The following TTN variants were observed in gnomAD, a reference collection of about 807,000 sequenced individuals.
TTN encodes titin, also known as connectin.
TTN carries 1,525 observed loss-of-function variants against 3,223.0 expected under a neutral mutation model. That is an observed-to-expected ratio of 0.47 (90% CI 0.45 to 0.49). The LOEUF (loss-of-function observed/expected upper bound fraction) is 0.49. TTN is among the 20% of genes least tolerant of loss of function. The pLI is 0.00. For synonymous variants in TTN, 14,094 were observed against 15,161.0 expected (o/e 0.93, Z 5.17); for missense variants, 40,786 against 43,424.0 (o/e 0.94, Z 5.40).
At chr2:178,611,341 T>G (rs771489381) in intron 269 of TTN, 31 bp downstream of exon 269, 7 of 1,610,756 alleles carry the variant, frequency 4.3e-6, no homozygotes, top group Non-Finnish European at 8.5e-7. Flanking sequence ...AAAGGGTATT[T>G]TATTAACTAT....
chr2:178,640,679 A>G (rs2061132753), intron 220 of TTN, 49 bp from the exon 221 acceptor site: 2 of 1,412,136 alleles, frequency 1.4e-6, no homozygotes, highest in Non-Finnish European at 9.6e-7. Context: ...ATATTTAGGA[A>G]GCACCTCATC....
chr2:178,796,734 TAA>T (rs1223963285), intron 6 of TTN, among the ~76,000 whole-genome samples: 1 of 152,166 alleles, frequency 6.6e-6, no homozygotes, highest in Non-Finnish European at 1.5e-5. Context: ...CAAAAAGAGT[TAA>T]AGACATGATT....
Position 178,647,062 on chromosome 2 carries a change from ACC to A in TTN, c.40222_40222+1del. The A allele has an allele frequency of 3.5e-6, 4 of 1,140,192 alleles. No individual in the cohort carries two copies. Among genetic ancestry groups the A allele is most frequent in the Non-Finnish European group, 4.7e-6 (4 of 858,288 alleles). 70.6% of individuals were successfully genotyped at this position (1,140,192 alleles called of 1,614,324 possible). A position where few individuals can be genotyped will look rare whatever the true frequency, so the allele number is the denominator to read the frequency against. ...AATGTATATATATATATATATATAT[ACC>A]TTCAACAGGGGGAGTCTCTTTTCTA... On this transcript the variant is annotated splice_donor_variant and coding_sequence_variant, in exon 215 of 363. Coordinates refer to ENST00000589042, the MANE Select transcript of TTN (RefSeq NM_001267550.2). LOFTEE classifies it high-confidence loss of function.
rs748995016 is a variant in TTN, at chr2:178,786,128, T to C, written c.2090A>G (p.Lys697Arg). 8 of 1,613,870 alleles carry C rather than the reference T, an allele frequency of 5.0e-6. No individual in the cohort carries two copies. The highest frequency in any genetic ancestry group is 6.8e-6 in the Non-Finnish European group (8 of 1,179,974). Residue 697 changes from lysine to arginine, a missense_variant, in exon 14 of 363, where the codon AAA becomes AGA. Lys to Arg is a conservative substitution (Grantham distance 26, BLOSUM62 2). Coordinates refer to ENST00000589042, the MANE Select transcript of TTN (RefSeq NM_001267550.2). Reference protein sequence around the residue: ...QVTHGKVDVGKKAEAVATVVA... With the variant: ...QVTHGKVDVGRKAEAVATVVA... ...AACTGTTGCTACAGCTTCAGCCTTT[T>C]TTCCAACGTCCACCTGGAGACAAGG...
chr2:178,775,386 T>C lies in TTN; in HGVS notation c.6478A>G (p.Thr2160Ala), dbSNP rs397517693. 4.0e-5 allele frequency: 65 copies of C among 1,613,928 alleles called. No individual in the cohort carries two copies. The highest frequency in any genetic ancestry group is 8.3e-5 in the Admixed American group (5 of 59,990). ...ACAAGTAAGAATGCGTGACTGGAGG[T>C]TTCTCCAGCTATGTTGATGGCTTTT... Reference protein sequence around the residue: ...MVKAINIAGETSSHAFLLVQA... With the variant: ...MVKAINIAGEASSHAFLLVQA... Residue 2160 changes from threonine (T) to alanine (A), a missense_variant, in exon 28 of 363, where the codon ACC becomes GCC. By Grantham distance (58) the Thr-to-Ala change is moderately conservative. Transcript: ENST00000589042.
rs1192451781 is a variant in TTN at position 178,548,841 on chromosome 2, C to T, written c.92785G>A (p.Ala30929Thr). Residue 30929 changes from alanine (A) to threonine (T), a missense_variant, in exon 339 of 363, where the codon GCA becomes ACA. Physicochemically the swap from Ala to Thr is moderately conservative, Grantham distance 58. Transcript: ENST00000589042. The surrounding 1 kb of genome is among the most constrained non-coding windows in gnomAD (Gnocchi z 4.3). ...ACAACATGAGTCTGTTTGAAGTTTG[C>T]ATCTATGTCTAACTCAGGAGCTGTT... Reference protein sequence around the residue: ...RLTAPELDIDANFKQTHVVRA... With the variant: ...RLTAPELDIDTNFKQTHVVRA... The T allele has an allele frequency of 2.5e-6, 4 of 1,613,194 alleles. No individual in the cohort carries two copies. In the Admixed American group the frequency reaches 5.0e-5, roughly 20 times the overall value.
At chr2:178,644,690 G>T in intron 217 of TTN, 74 bp from the exon 218 acceptor site, 1 of 1,171,660 alleles carries the variant, frequency 8.5e-7, no homozygotes, top group Non-Finnish European at 1.2e-6. Flanking sequence ...TCTACTCCAA[G>T]AATCAAAACC....
At chr2:178,642,009 AT>A (rs2061302407) in intron 219 of TTN, among the ~76,000 whole-genome samples, 1 of 151,740 alleles carries the variant, frequency 6.6e-6, no homozygotes. Context: ...GTCTATTAAC[AT>A]TTTAAATTTC....
rs752485826 is a variant in TTN at position 178,715,014 on chromosome 2, G to T, written c.26172C>A (p.Asp8724Glu). 6.2e-7 allele frequency: 1 copy of T among 1,612,374 alleles called. No homozygotes were observed. The highest frequency in any genetic ancestry group is 8.5e-7 in the Non-Finnish European group (1 of 1,178,844). The change falls in exon 90 of 363, where the codon GAC becomes GAA. Residue 8724 changes from aspartate to glutamate, a missense_variant. Asp to Glu is a conservative substitution (Grantham distance 45). Coordinates refer to ENST00000589042, the MANE Select transcript of TTN (RefSeq NM_001267550.2). ...TGAGAGCGATGGAACCAACGCAAGT[G>T]TCGCTTCCCACATCATTTGTGGCTT... Reference protein sequence around the residue: ...QCKATNDVGSDTCVGSIALKA... With the variant: ...QCKATNDVGSETCVGSIALKA...
In TTN at chr2:178,748,892, C is replaced by T. The variant is rs958202112; in HGVS notation, c.11311+4232G>A. 4 of 1,612,222 alleles carry T rather than the reference C, an allele frequency of 2.5e-6. No individual in the cohort carries two copies. In the African/African-American group the frequency reaches 5.3e-5, roughly 22 times the overall value. On this transcript the variant is annotated intron_variant, in intron 47 of 362. Transcript: ENST00000589042. ...CATATTTGCATTTAGATTGCTTGAT[C>T]TTGATTCTCTTTGCTTTAATGAAAA... is the stretch of plus-strand genomic sequence containing the variant.
At position 178,573,654 on chromosome 2, in the gene TTN, C is replaced by G; in HGVS notation, c.72478G>C (p.Val24160Leu). ...DGGAKIDHYI[V>L]QKRETSRLAW... ...AATCTGCTGGTTTCACGTTTCTGTACTATGTAATGATCAATTTTGGCACCT... is the reference window on the plus strand; with the variant it reads ...AATCTGCTGGTTTCACGTTTCTGTAGTATGTAATGATCAATTTTGGCACCT... The change falls in exon 326 of 363, where the codon GTA (valine) becomes CTA (leucine). Residue 24160 changes from valine (V) to leucine (L), a missense_variant. Val to Leu is a conservative substitution (Grantham distance 32, BLOSUM62 1). Coordinates refer to ENST00000589042, the MANE Select transcript of TTN (RefSeq NM_001267550.2). 6.6e-7 allele frequency: 1 copy of G among 1,514,810 alleles called. No homozygotes were observed. Among genetic ancestry groups the G allele is most frequent in the Non-Finnish European group, 8.8e-7 (1 of 1,133,760 alleles). 93.8% of individuals were successfully genotyped at this position (1,514,810 alleles called of 1,614,324 possible). A position where few individuals can be genotyped will look rare whatever the true frequency, so the allele number is the denominator to read the frequency against.
chr2:178,561,451 A>G lies in TTN; in HGVS notation c.84681T>C (p.Tyr28227=), dbSNP rs373268234. The G allele has an allele frequency of 3.1e-6, 5 of 1,613,824 alleles. No individual in the cohort carries two copies. Among genetic ancestry groups the G allele is most frequent in the Non-Finnish European group, 4.2e-6 (5 of 1,179,792 alleles). Residue 28227 remains tyrosine (Y), a synonymous_variant, in exon 326 of 363, where the codon TAT becomes TAC. Transcript: ENST00000589042. ...SGLDEGLMYE[Y]RVYAENIAGI... ...CAGCAATATTTTCAGCATATACACG[A>G]TACTCATACATCAGTCCTTCATCAA...
At position 178,614,105 on chromosome 2, in the gene TTN, T is replaced by C; in HGVS notation, c.49292A>G (p.Tyr16431Cys). The C allele has an allele frequency of 6.2e-7, 1 of 1,612,512 alleles. No individual in the cohort carries two copies. Among genetic ancestry groups the C allele is most frequent in the Non-Finnish European group, 8.5e-7 (1 of 1,179,224 alleles). ...GGCCTGAACTGGTTCACCAACACCA[T>C]ACATGTTTTCTGCAGCAACTCTGAA... ...YIFRVAAENM[Y>C]GVGEPVQASP... The change falls in exon 262 of 363, where the codon TAT (tyrosine) becomes TGT (cysteine). Residue 16431 changes from tyrosine to cysteine, a missense_variant. Transcript: ENST00000589042.
chr2:178,737,153 G>A (rs1175876105), intron 49 of TTN, among the ~76,000 whole-genome samples: 1 of 151,998 alleles, frequency 6.6e-6, no homozygotes, highest in Non-Finnish European at 1.5e-5. Flanking sequence ...AGGAAAGAAG[G>A]TAGGAAGAAA....
intron 312 of TTN, 60 bp downstream of exon 312, chr2:178,583,547 G>C (rs780628757): frequency 4.2e-6 from 6 of 1,422,888 alleles, no homozygotes; most frequent in Non-Finnish European, 5.5e-6. Flanking sequence ...TTTTTATTAG[G>C]AAAAATGACC....
In TTN at chr2:178,679,951, G is replaced by A; in HGVS notation, c.33523C>T (p.His11175Tyr). 1 of 1,613,058 alleles carries A rather than the reference G, an allele frequency of 6.2e-7. No homozygotes were observed. The change falls in exon 140 of 363, where the codon CAT becomes TAT. Residue 11175 changes from histidine to tyrosine, a missense_variant. Coordinates refer to ENST00000589042, the MANE Select transcript of TTN (RefSeq NM_001267550.2). ...YLVEEEEEYI[H>Y]EEEEFITEEE... Reference sequence around the variant, plus strand: ...TCAGTTATGAACTCCTCTTCTTCATGAATGTACTCTTCTTCTTCTTCTACA... The same window carrying A: ...TCAGTTATGAACTCCTCTTCTTCATAAATGTACTCTTCTTCTTCTTCTACA...
Position 178,717,515 on chromosome 2 carries a change from T to A in TTN, c.25351+8A>T, listed in dbSNP as rs766650232. The A allele has an allele frequency of 6.3e-7, 1 of 1,591,638 alleles. No homozygotes were observed. The highest frequency in any genetic ancestry group is 8.6e-7 in the Non-Finnish European group (1 of 1,168,566). On this transcript the variant is annotated splice_region_variant and intron_variant, in intron 87 of 362. Coordinates refer to ENST00000589042, the MANE Select transcript of TTN (RefSeq NM_001267550.2). ...TTTACAATGAAGAGGGTACTGTGAGTTACTCACCTGAGAGAATGAGCTTGG... is the reference window on the plus strand; with the variant it reads ...TTTACAATGAAGAGGGTACTGTGAGATACTCACCTGAGAGAATGAGCTTGG...
At chr2:178,700,697 A>T (rs1026264868) in intron 111 of TTN, among the ~76,000 whole-genome samples, 1 of 152,186 alleles carries the variant, frequency 6.6e-6, no homozygotes, top group African/African-American at 2.4e-5. Context: ...AAAATAGTAA[A>T]TTTTTAAGAG....
chr2:178,611,239 T>C lies in TTN; in HGVS notation c.50890A>G (p.Ile16964Val), dbSNP rs1487972631. Residue 16964 changes from isoleucine (I) to valine (V), a missense_variant, in exon 270 of 363, where the codon ATT (isoleucine) becomes GTT (valine). Transcript: ENST00000589042. Reference sequence around the variant, plus strand: ...AACTTTTCACCTTCAATAACAATAATGTCATGAGTCTCCAGGTCAATTGTT... The same window carrying C: ...AACTTTTCACCTTCAATAACAATAACGTCATGAGTCTCCAGGTCAATTGTT... Reference protein sequence around the residue: ...KPTIDLETHDIIVIEGEKLSI... With the variant: ...KPTIDLETHDVIVIEGEKLSI... 6.2e-7 allele frequency: 1 copy of C among 1,612,496 alleles called. No individual in the cohort carries two copies. Among genetic ancestry groups the C allele is most frequent in the Non-Finnish European group, 8.5e-7 (1 of 1,179,182 alleles).
Sources: gnomAD v4.1 joint callset for allele counts (sites outside exome capture counted in the v4.1 genomes callset) on GRCh38, gnomAD v4.1.1 for gene constraint, Gnocchi (gnomAD v3.1) non-coding constraint, MANE v1.5 for transcripts, NCBI Gene and HGNC (gene_info 2026-07-23, HGNC 2026-07-21) for gene names.